Variants in PRKCE observed in about 807,000 individuals in gnomAD.
PRKCE encodes the protein protein kinase C epsilon type.
In PRKCE, 16 loss-of-function variants were observed where a neutral mutation model predicts 85.4. That is an observed-to-expected ratio of 0.19 (90% confidence interval 0.13 to 0.28). The LOEUF is 0.28. Ranked by LOEUF, PRKCE falls within the 10% of genes least tolerant of loss-of-function variation. PRKCE has a pLI of 1.00. For missense variants in PRKCE, 573 were observed against 975.2 expected, an observed-to-expected ratio of 0.59 and a Z score of 5.49; for synonymous variants, 388 against 371.5, an observed-to-expected ratio of 1.04 and a Z score of -0.51.
intron 1 of PRKCE, among the ~76,000 whole-genome samples, chr2:45,813,986 C>T (rs909911316): frequency 6.6e-6 from 1 of 152,172 alleles, no homozygotes; most frequent in Admixed American, 6.5e-5. Flanking sequence ...CAACATGAAT[C>T]TCATAAATTG....
intron 10 of PRKCE, among the ~76,000 whole-genome samples, chr2:46,023,143 A>G (rs1434495291): frequency 2.0e-5 from 3 of 150,020 alleles, no homozygotes; most frequent in African/African-American, 7.4e-5. Flanking sequence ...AGCTGACTTG[A>G]GAGCTTTGTC....
At chr2:45,677,925 A>G (rs1438206226) in intron 1 of PRKCE, 6 of 982,434 alleles carry the variant, frequency 6.1e-6, no homozygotes, top group South Asian at 9.4e-5. Context: ...CGGTAGGAGC[A>G]TATCAGTAGC....
At chr2:45,762,110 C>T (rs532399751) in intron 1 of PRKCE, among the ~76,000 whole-genome samples, 35 of 152,236 alleles carry the variant, frequency 2.3e-4, no homozygotes, top group South Asian at 1.9e-3. Flanking sequence ...ACCATTTTAT[C>T]GTATCAAAAA....
chr2:45,686,131 G>C (rs11678738), intron 1 of PRKCE, among the ~76,000 whole-genome samples: 2,415 of 152,266 alleles, frequency 0.016, 35 homozygotes, highest in Middle Eastern at 0.041. Context: ...GAAGGAGTAT[G>C]CAAGCAGAAA....
In PRKCE at chr2:45,912,689, C is replaced by T. The variant is rs545494068; in HGVS notation, c.413-63740C>T. Among the ~76,000 whole-genome samples, 15 of 152,196 alleles carry T rather than the reference C, an allele frequency of 9.9e-5. No individual in the cohort carries two copies. In the South Asian group the frequency reaches 2.1e-3, roughly 21 times the overall value. On this transcript the variant is annotated intron_variant, in intron 2 of 14. Transcript: ENST00000306156. ...AACGCACCTTAGAAGCGCATCTCAC[C>T]GAAAATCTGCACTGGAGCAGCCAGG...
chr2:45,666,204 G>A (rs763648707), intron 1 of PRKCE, among the ~76,000 whole-genome samples: 3 of 152,104 alleles, frequency 2.0e-5, no homozygotes. Context: ...TAAGCTCCAG[G>A]TGCCTGAGTA....
chr2:45,993,564 A>G (rs1039019360), intron 6 of PRKCE, among the ~76,000 whole-genome samples: 6 of 152,226 alleles, frequency 3.9e-5, no homozygotes, highest in African/African-American at 7.2e-5. Flanking sequence ...TTTTGTCAGG[A>G]CAGACAGGTC....
At chr2:46,045,359 A>G (rs1708458225) in intron 10 of PRKCE, among the ~76,000 whole-genome samples, 2 of 152,356 alleles carry the variant, frequency 1.3e-5, no homozygotes, top group African/African-American at 4.8e-5. Flanking sequence ...AAGGGCTGTT[A>G]AAGCAATTTT....
intron 1 of PRKCE, among the ~76,000 whole-genome samples, chr2:45,680,068 T>C (rs1490021545): frequency 1.3e-5 from 2 of 152,190 alleles, no homozygotes; most frequent in Non-Finnish European, 1.5e-5. Flanking sequence ...CATTCAGAGA[T>C]GAACAGGTTT....
chr2:45,844,293 C>T (rs1007631953), intron 2 of PRKCE, among the ~76,000 whole-genome samples: 1 of 152,168 alleles, frequency 6.6e-6, no homozygotes, highest in Non-Finnish European at 1.5e-5. Flanking sequence ...CTTTAAACAG[C>T]CTTCCAAAAT....
At chr2:45,746,727 T>C (rs1683167747) in intron 1 of PRKCE, among the ~76,000 whole-genome samples, 1 of 152,188 alleles carries the variant, frequency 6.6e-6, no homozygotes, top group Admixed American at 6.5e-5. Flanking sequence ...GGCTGGCTTG[T>C]TTTACTTAGC....
At chr2:45,744,434 T>A (rs1437929818) in intron 1 of PRKCE, among the ~76,000 whole-genome samples, 1 of 39,550 alleles carries the variant, frequency 2.5e-5, no homozygotes, top group African/African-American at 1.2e-4. Context: ...TCTTTCTTTC[T>A]TTCTTTCTTT....
rs34589907 is a variant in PRKCE, at chr2:45,751,809, A to ATTTTTTTTTTTTTTTTTTTTT, written c.349-91185_349-91165dup. ...ACTCCAGCCTCCAAAGCTAACCACT[A>ATTTTTTTTTTTTTTTTTTTTT]TTTTTTTTTTTTTTTTTTTTTTTTT... On this transcript the variant is annotated intron_variant, in intron 1 of 14. Transcript: ENST00000306156. 2.2e-4 allele frequency among the ~76,000 whole-genome samples: 17 copies of ATTTTTTTTTTTTTTTTTTTTT among 78,506 alleles called. 1 individual carries two copies. The highest frequency in any genetic ancestry group is 2.8e-4 in the Non-Finnish European group (12 of 42,640). The allele number at this position is 78,506 out of a possible 152,430, so 51.5% of individuals were successfully genotyped here.
At position 46,170,287 on chromosome 2, in the gene PRKCE, C is replaced by G. The variant is rs549753918; in HGVS notation, c.2067+10535C>G. Among the ~76,000 whole-genome samples the G allele has an allele frequency of 2.6e-5, 4 of 152,286 alleles. No homozygotes were observed. The South Asian group carries it at 8.3e-4, about 32-fold the overall frequency. ...CTAGAGTTTCTTATAAATGGAGCCACATAGCATGTACTTTTTTTGTGTCTG... is the reference window on the plus strand; with the variant it reads ...CTAGAGTTTCTTATAAATGGAGCCAGATAGCATGTACTTTTTTTGTGTCTG... On this transcript the variant is annotated intron_variant, in intron 14 of 14. Coordinates refer to ENST00000306156, the MANE Select transcript of PRKCE (RefSeq NM_005400.3).
At chr2:46,016,030 G>A (rs1345428890) in intron 10 of PRKCE, among the ~76,000 whole-genome samples, 1 of 152,200 alleles carries the variant, frequency 6.6e-6, no homozygotes, top group Non-Finnish European at 1.5e-5. Flanking sequence ...GGATTTTAGA[G>A]AAATGAGATC....
At chr2:45,752,948 C>T (rs1329291376) in intron 1 of PRKCE, among the ~76,000 whole-genome samples, 2 of 152,178 alleles carry the variant, frequency 1.3e-5, no homozygotes, top group Admixed American at 1.3e-4. Flanking sequence ...CTTTCTGGAG[C>T]ATAGACTTAG....
chr2:45,917,833 G>A (rs1329583742), intron 2 of PRKCE, among the ~76,000 whole-genome samples: 1 of 152,228 alleles, frequency 6.6e-6, no homozygotes, highest in African/African-American at 2.4e-5. Flanking sequence ...AGGCAGCTAA[G>A]GCCCGGCGAG....
At position 45,720,636 on chromosome 2, in the gene PRKCE, C is replaced by G. The variant is rs577365718; in HGVS notation, c.348+68188C>G. Among the ~76,000 whole-genome samples the G allele has an allele frequency of 1.1e-4, 17 of 152,218 alleles. No individual in the cohort carries two copies. The South Asian group carries it at 1.2e-3, about 11-fold the overall frequency. On this transcript the variant is annotated intron_variant, in intron 1 of 14. Coordinates refer to ENST00000306156, the MANE Select transcript of PRKCE (RefSeq NM_005400.3). ...GGGCAGTACTGTCCTCTGGTGAGAC[C>G]CAAACTTGATGTATTGATGCATGCA...
chr2:46,077,188 C>CACAT (rs70937984), intron 10 of PRKCE, among the ~76,000 whole-genome samples: 2 of 151,394 alleles, frequency 1.3e-5, no homozygotes, highest in Non-Finnish European at 2.9e-5. Context: ...CACACACACA[C>CACAT]GCACGCGCAC....
Sources: gnomAD v4.1 joint callset for allele counts (sites outside exome capture counted in the v4.1 genomes callset) on GRCh38, gnomAD v4.1.1 for gene constraint, MANE v1.5 for transcripts, NCBI Gene and HGNC (gene_info 2026-07-23, HGNC 2026-07-21) for gene names.